The following TRIM49C variants were observed in gnomAD, a reference collection of about 807,000 sequenced individuals.
TRIM49C encodes the protein tripartite motif containing 49C, also known as tripartite motif-containing protein 49C.
A neutral mutation model predicts 21.4 loss-of-function variants in TRIM49C; 6 were observed. The observed-to-expected ratio is 0.28, with a 90% CI of 0.15 to 0.55. The LOEUF (loss-of-function observed/expected upper bound fraction) is 0.55, where lower values mean the gene tolerates loss of function less well. Ranked by LOEUF, TRIM49C falls within the 20% of genes least tolerant of loss-of-function variation. The pLI, the probability that TRIM49C is intolerant of heterozygous loss-of-function variation, is 0.94. For synonymous variants in TRIM49C, 57 were observed against 148.1 expected (o/e 0.38, Z 4.47); for missense variants, 161 against 442.4 (o/e 0.36, Z 5.71).
downstream of TRIM49C, among the ~76,000 whole-genome samples, chr11:90,045,808 C>A (rs181983724): frequency 2.1e-3 from 244 of 117,628 alleles, 1 homozygote; most frequent in South Asian, 4.5e-3. Flanking sequence ...ACTTCCAATA[C>A]TGTGTTGGAT....
At chr11:90,052,379 C>T in the TRIM49C span, 2 of 190,528 alleles carry the variant, frequency 1.0e-5, no homozygotes, top group African/African-American at 5.1e-5. Flanking sequence ...CGGTCTGGCA[C>T]GCGAAGGCCA....
chr11:90,062,591 C>T, the TRIM49C span: 1 of 1,459,152 alleles, frequency 6.9e-7, no homozygotes, highest in Admixed American at 2.1e-5. Context: ...CATCACGTAC[C>T]CTGCATTCCT....
chr11:90,062,856 G>A, the TRIM49C span: 3 of 1,398,430 alleles, frequency 2.1e-6, 1 homozygote. Context: ...GCGCATTGGT[G>A]CTCTGCCTTC....
At chr11:90,049,007 C>A in the TRIM49C span, among the ~76,000 whole-genome samples, 15 of 127,350 alleles carry the variant, frequency 1.2e-4, 6 homozygotes, top group Admixed American at 1.3e-3. Flanking sequence ...AGCTGCAGGT[C>A]TGGTGGAGTT....
the TRIM49C span, among the ~76,000 whole-genome samples, chr11:90,066,210 G>C: frequency 4.5e-5 from 6 of 133,404 alleles, no homozygotes; most frequent in Admixed American, 3.6e-4. Flanking sequence ...ACTAGAGACA[G>C]GGTTTCACCA....
rs1950769012 is a variant in TRIM49C, at chr11:90,041,348, A to T, written c.1157A>T (p.Asp386Val). The change falls in exon 8 of 8, where the codon GAC (aspartate) becomes GTC (valine). Residue 386 changes from aspartate (D) to valine (V), a missense_variant. Around this residue, in one of 3 missense-constraint regions of TRIM49C, gnomAD observed 63 missense variants for 67.6 expected, o/e 0.93. Coordinates refer to ENST00000448984, the MANE Select transcript of TRIM49C (RefSeq NM_001195234.1). ...GLFLLGCIKNDIQCSLFTTSP... is the reference protein window; with the variant it reads ...GLFLLGCIKNVIQCSLFTTSP... ...TTTCTTCTTGGGTGTATTAAGAATGACATTCAATGCAGTCTCTTTACCACC... is the reference window on the plus strand; with the variant it reads ...TTTCTTCTTGGGTGTATTAAGAATGTCATTCAATGCAGTCTCTTTACCACC... 6.3e-7 allele frequency: 1 copy of T among 1,589,892 alleles called. No individual in the cohort carries two copies. The highest frequency in any genetic ancestry group is 1.4e-5 in the African/African-American group (1 of 72,556).
At chr11:90,053,304 G>GC in the TRIM49C span, 1 of 145,082 alleles carries the variant, frequency 6.9e-6, no homozygotes, top group South Asian at 2.1e-4. Context: ...TATGATTAGG[G>GC]CTGCGTTCCC....
At chr11:90,059,976 G>T in the TRIM49C span, among the ~76,000 whole-genome samples, 1 of 136,646 alleles carries the variant, frequency 7.3e-6, no homozygotes, top group Non-Finnish European at 1.5e-5. Flanking sequence ...GAGTAATTTT[G>T]TATTAAGATC....
chr11:90,055,563 G>C, the TRIM49C span, among the ~76,000 whole-genome samples: 1 of 151,678 alleles, frequency 6.6e-6, no homozygotes, highest in Non-Finnish European at 1.5e-5. Context: ...ATATGGTTTT[G>C]AGTGTAAACA....
the TRIM49C span, chr11:90,073,182 A>C: frequency 3.4e-6 from 3 of 893,756 alleles, 1 homozygote; most frequent in Non-Finnish European, 5.3e-6. Context: ...TTATGTGTGA[A>C]GGTGGATAAT....
chr11:90,052,087 C>A, the TRIM49C span: 2 of 550,898 alleles, frequency 3.6e-6, 1 homozygote, highest in Non-Finnish European at 5.9e-6. Flanking sequence ...CCGCCGCAGG[C>A]GCTGCAGGGG....
the TRIM49C span, among the ~76,000 whole-genome samples, chr11:90,055,443 G>A: frequency 1.3e-5 from 2 of 148,500 alleles, no homozygotes; most frequent in East Asian, 3.9e-4. Flanking sequence ...TTAGGCAGCA[G>A]CTTATCTATT....
chr11:90,064,272 T>A, the TRIM49C span, among the ~76,000 whole-genome samples: 2 of 151,176 alleles, frequency 1.3e-5, no homozygotes, highest in Non-Finnish European at 2.9e-5. Flanking sequence ...TTTAGGAAAG[T>A]TTTTTCCCAT....
chr11:90,031,460 A>T lies in TRIM49C; in HGVS notation c.-191+216A>T, dbSNP rs537350222. 1.9e-4 allele frequency among the ~76,000 whole-genome samples: 26 copies of T among 136,258 alleles called. No homozygotes were observed. In the South Asian group the frequency reaches 2.0e-3, roughly 10 times the overall value. The allele number at this position is 136,258 out of a possible 152,430, so 89.4% of individuals were successfully genotyped here. On this transcript the variant is annotated intron_variant, in intron 1 of 7. Transcript: ENST00000448984. ...TAGTCCCTTCTGAAATCTCTTTTTT[A>T]AAAAAAATAATTTTCATATAACAAC...
chr11:90,046,159 A>T (rs2134829278), downstream of TRIM49C, among the ~76,000 whole-genome samples: 1 of 124,328 alleles, frequency 8.0e-6, no homozygotes, highest in East Asian at 2.5e-4. Flanking sequence ...AAGCTTTTTG[A>T]TGTGCTGCTG....
At chr11:90,070,694 G>A in the TRIM49C span, among the ~76,000 whole-genome samples, 1 of 141,088 alleles carries the variant, frequency 7.1e-6, no homozygotes, top group South Asian at 2.4e-4. Flanking sequence ...TAAGAGATGA[G>A]AATACATTTT....
chr11:90,070,392 C>T, the TRIM49C span, among the ~76,000 whole-genome samples: 23 of 127,918 alleles, frequency 1.8e-4, 3 homozygotes, highest in Admixed American at 1.9e-4. Flanking sequence ...CTCTATCTCT[C>T]ATCCAGCTCA....
downstream of TRIM49C, among the ~76,000 whole-genome samples, chr11:90,046,635 G>A (rs1487297799): frequency 1.6e-5 from 2 of 121,960 alleles, 1 homozygote; most frequent in Non-Finnish European, 3.3e-5. Flanking sequence ...ATTTTTTATT[G>A]CATCTATTTG....
the TRIM49C span, chr11:90,050,241 G>A: frequency 1.7e-5 from 1 of 58,322 alleles, no homozygotes; most frequent in South Asian, 9.8e-4. Flanking sequence ...TAGCCAGCTT[G>A]GAGAAGTGTG....
Sources: gnomAD v4.1 joint callset for allele counts (sites outside exome capture counted in the v4.1 genomes callset) on GRCh38, gnomAD v4.1.1 for gene constraint, gnomAD v4.1.1 regional missense constraint, MANE v1.5 for transcripts, NCBI Gene and HGNC (gene_info 2026-07-23, HGNC 2026-07-21) for gene names.